CAST: variants seen among roughly 807,000 people sequenced by gnomAD.
The protein encoded by CAST is calpastatin.
CAST carries 76 observed loss-of-function variants against 119.6 expected under a neutral mutation model. The observed-to-expected ratio is 0.64, with a 90% CI of 0.53 to 0.77. CAST has a LOEUF of 0.77. Ranked by LOEUF, CAST falls within the 30% of genes least tolerant of loss-of-function variation. CAST has a pLI of 0.00. For synonymous variants in CAST, 319 were observed against 331.6 expected, an observed-to-expected ratio of 0.96 and a Z score of 0.41; for missense variants, 953 against 946.5, an observed-to-expected ratio of 1.01 and a Z score of -0.09.
At chr5:96,636,734 C>G (rs155057) in intron 1 of CAST, among the ~76,000 whole-genome samples, 105,786 of 152,118 alleles carry the variant, frequency 0.7, 37,827 homozygotes, top group African/African-American at 0.86. Context: ...AGAAGGAAAA[C>G]TGGTCAGTGG....
At chr5:96,303,436 C>T in the CAST span, among the ~76,000 whole-genome samples, 1 of 150,742 alleles carries the variant, frequency 6.6e-6, no homozygotes, top group East Asian at 1.9e-4. Context: ...GGAATAGTTT[C>T]ACTTCCTTTC....
the CAST span, among the ~76,000 whole-genome samples, chr5:96,282,374 G>T: frequency 2.0e-5 from 3 of 152,184 alleles, no homozygotes; most frequent in African/African-American, 7.2e-5. Context: ...TGTACAAAAT[G>T]GTCAGAGGAA....
chr5:96,606,476 T>C (rs1301466628), intron 1 of CAST, among the ~76,000 whole-genome samples: 1 of 152,126 alleles, frequency 6.6e-6, no homozygotes, highest in African/African-American at 2.4e-5. Context: ...CATGAGACAC[T>C]GGGACTGGAG....
chr5:96,105,256 G>C, the CAST span, among the ~76,000 whole-genome samples: 1 of 152,150 alleles, frequency 6.6e-6, no homozygotes, highest in African/African-American at 2.4e-5. Context: ...GCCCTGACCA[G>C]AGCTTCCAAC....
chr5:96,170,137 G>A, the CAST span, among the ~76,000 whole-genome samples: 3 of 152,248 alleles, frequency 2.0e-5, no homozygotes, highest in South Asian at 2.1e-4. Flanking sequence ...CGAGGCAATC[G>A]GGCAGCATCG....
chr5:96,683,525 C>G (rs1195676237), intron 2 of CAST, among the ~76,000 whole-genome samples: 1 of 152,130 alleles, frequency 6.6e-6, no homozygotes, highest in Non-Finnish European at 1.5e-5. Context: ...AAACTCTGTT[C>G]TGTGTATCAT....
At chr5:96,375,699 A>C in the CAST span, among the ~76,000 whole-genome samples, 1 of 151,670 alleles carries the variant, frequency 6.6e-6, no homozygotes, top group Non-Finnish European at 1.5e-5. Flanking sequence ...ACCTTGTATA[A>C]TGTGGGTTGG....
chr5:96,761,613 C>T (rs1767980255), intron 24 of CAST: 1 of 152,142 alleles, frequency 6.6e-6, no homozygotes, highest in Non-Finnish European at 1.5e-5. Flanking sequence ...TTTTCATCAA[C>T]AGTTATACCT....
At chr5:96,230,630 A>G in the CAST span, among the ~76,000 whole-genome samples, 1 of 152,130 alleles carries the variant, frequency 6.6e-6, no homozygotes, top group Non-Finnish European at 1.5e-5. Context: ...AAGCAATGAA[A>G]GTAGGATTGT....
chr5:96,280,331 T>C, the CAST span, among the ~76,000 whole-genome samples: 5 of 152,198 alleles, frequency 3.3e-5, no homozygotes, highest in African/African-American at 1.2e-4. Context: ...ATAAAGATGA[T>C]TCATATTAGG....
chr5:96,083,871 C>T, the CAST span, among the ~76,000 whole-genome samples: 23 of 152,298 alleles, frequency 1.5e-4, no homozygotes, highest in Non-Finnish European at 3.2e-4. Context: ...TGGTTCGGGG[C>T]ACAGACTTGG....
chr5:95,963,721 C>CTTTTT, the CAST span, among the ~76,000 whole-genome samples: 1 of 140,708 alleles, frequency 7.1e-6, no homozygotes, highest in Non-Finnish European at 1.5e-5. Flanking sequence ...TCTTTTCTCT[C>CTTTTT]TCTCTTTTTT....
chr5:96,477,852 C>T, the CAST span, among the ~76,000 whole-genome samples: 1 of 152,098 alleles, frequency 6.6e-6, no homozygotes, highest in East Asian at 1.9e-4. Context: ...TGTTGATTTT[C>T]CTCATCAAGC....
intron 9 of CAST, 53 bp from the exon 10 acceptor site, chr5:96,736,119 A>G (rs1761584611): frequency 1.9e-6 from 2 of 1,075,680 alleles, no homozygotes; most frequent in South Asian, 1.3e-5. Flanking sequence ...TTGTAATAGT[A>G]TTGAGTTTTA....
rs200363960 is a variant in CAST, at chr5:96,724,422, G to GT, written c.270+1725dup. Among the ~76,000 whole-genome samples the GT allele has an allele frequency of 6.9e-3, 1,046 of 152,068 alleles. 19 individuals are homozygous for GT. The highest frequency in any genetic ancestry group is 0.024 in the African/African-American group (1,013 of 41,486). On this transcript the variant is annotated intron_variant, in intron 4 of 31. Transcript: ENST00000675179. ...GGTCTCAAACTCCTGGGCTCAAGCA[G>GT]TCCTCCCATCTCAGCCTCCCAAAGT...
At chr5:96,103,971 A>C in the CAST span, among the ~76,000 whole-genome samples, 1 of 152,046 alleles carries the variant, frequency 6.6e-6, no homozygotes, top group Non-Finnish European at 1.5e-5. Context: ...GCATTTTTTC[A>C]TGGTGTGAAA....
chr5:96,253,216 A>C, the CAST span, among the ~76,000 whole-genome samples: 1 of 152,090 alleles, frequency 6.6e-6, no homozygotes, highest in African/African-American at 2.4e-5. Flanking sequence ...AGTTTAATCT[A>C]TCCAGGGCTA....
the CAST span, among the ~76,000 whole-genome samples, chr5:96,051,220 CAG>C: frequency 4.6e-5 from 7 of 150,944 alleles, no homozygotes; most frequent in Non-Finnish European, 8.9e-5. Context: ...GTGTGACACA[CAG>C]AGAGAGAGAG....
At chr5:96,639,218 C>T (rs1423052925) in intron 1 of CAST, among the ~76,000 whole-genome samples, 2 of 152,188 alleles carry the variant, frequency 1.3e-5, no homozygotes, top group African/African-American at 4.8e-5. Flanking sequence ...GCCCCCCATA[C>T]TGTGACCAAT....
Sources: allele counts gnomAD v4.1 joint callset (sites outside exome capture counted in the v4.1 genomes callset), GRCh38; gene constraint gnomAD v4.1.1; transcripts MANE v1.5; gene names NCBI Gene and HGNC (gene_info 2026-07-23, HGNC 2026-07-21).